The following TLL1 variants were observed in gnomAD, a reference collection of about 807,000 sequenced individuals.
TLL1 encodes the protein tolloid like 1.
A neutral mutation model predicts 128.2 loss-of-function variants in TLL1; 49 were observed. That is an observed-to-expected ratio of 0.38 (90% CI 0.30 to 0.48). The LOEUF (loss-of-function observed/expected upper bound fraction) is 0.48, where lower values mean the gene tolerates loss of function less well. TLL1 is among the 20% of genes least tolerant of loss of function. TLL1 has a pLI of 0.96. For missense variants in TLL1, 1,123 were observed against 1,242.0 expected (o/e 0.90, Z 1.44); for synonymous variants, 454 against 418.8 (o/e 1.08, Z -1.03).
chr4:165,905,966 T>A (rs1376376945), intron 1 of TLL1, among the ~76,000 whole-genome samples: 1 of 152,062 alleles, frequency 6.6e-6, no homozygotes, highest in Non-Finnish European at 1.5e-5. Flanking sequence ...CTTTTGAGAG[T>A]CATAATGGCA....
intron 1 of TLL1, chr4:165,919,891 G>A: frequency 2.2e-6 from 1 of 453,872 alleles, no homozygotes; most frequent in Non-Finnish European, 4.4e-6. Context: ...AGCCCTTGAA[G>A]TTCAAGAAGA....
chr4:166,023,074 G>A (rs1738315855), intron 8 of TLL1, among the ~76,000 whole-genome samples: 1 of 152,164 alleles, frequency 6.6e-6, no homozygotes, highest in South Asian at 2.1e-4. Flanking sequence ...ATGCGATGAT[G>A]TAATTAATAA....
chr4:165,955,253 G>T (rs1403601757), intron 1 of TLL1, among the ~76,000 whole-genome samples: 1 of 151,848 alleles, frequency 6.6e-6, no homozygotes, highest in Non-Finnish European at 1.5e-5. Flanking sequence ...AAAGAAAAAA[G>T]AAATTATAAA....
At chr4:166,069,200 T>G (rs1306511841) in intron 16 of TLL1, among the ~76,000 whole-genome samples, 3 of 151,740 alleles carry the variant, frequency 2.0e-5, no homozygotes, top group African/African-American at 7.2e-5. Flanking sequence ...TCCCAAAAAT[T>G]TTATTACAGG....
At chr4:166,096,918 G>GT (rs1742049533) in intron 19 of TLL1, among the ~76,000 whole-genome samples, 1 of 151,936 alleles carries the variant, frequency 6.6e-6, no homozygotes, top group African/African-American at 2.4e-5. Flanking sequence ...AATTTTCCTG[G>GT]TTTTTCATTT....
chr4:165,974,416 AGGC>A lies in TLL1; in HGVS notation c.170-14963_170-14961del, dbSNP rs1311940612. Among the ~76,000 whole-genome samples, 4 of 151,792 alleles carry A rather than the reference AGGC, an allele frequency of 2.6e-5. 1 individual carries two copies. The highest frequency in any genetic ancestry group is 9.7e-5 in the African/African-American group (4 of 41,182). ...CGGCCTCCCAAAGTGCTGGGATTAC[AGGC>A]GTGAGCCACCGCGCCTGGCCTCATC... On this transcript the variant is annotated intron_variant, in intron 1 of 20. Coordinates refer to ENST00000061240, the MANE Select transcript of TLL1 (RefSeq NM_012464.5).
At chr4:166,084,342 C>T (rs1741409952) in intron 18 of TLL1, among the ~76,000 whole-genome samples, 1 of 151,964 alleles carries the variant, frequency 6.6e-6, no homozygotes, top group Non-Finnish European at 1.5e-5. Flanking sequence ...GTTGTCTTTC[C>T]ACTCTGTTGA....
intron 16 of TLL1, among the ~76,000 whole-genome samples, chr4:166,068,714 T>C (rs1740684400): frequency 6.6e-6 from 1 of 151,850 alleles, no homozygotes; most frequent in Non-Finnish European, 1.5e-5. Context: ...AATTTCAAAA[T>C]AATATGATAG....
intron 1 of TLL1, among the ~76,000 whole-genome samples, chr4:165,923,866 CTG>C (rs1174447748): frequency 7.2e-5 from 11 of 152,276 alleles, no homozygotes; most frequent in Admixed American, 2.6e-4. Flanking sequence ...CTTCATGTCT[CTG>C]TGTCACATTT....
chr4:165,927,255 G>A (rs375942321), intron 1 of TLL1, among the ~76,000 whole-genome samples: 5 of 152,184 alleles, frequency 3.3e-5, no homozygotes, highest in Non-Finnish European at 7.3e-5. Flanking sequence ...TTTTATTTCC[G>A]TAGGCGATGT....
intron 1 of TLL1, among the ~76,000 whole-genome samples, chr4:165,943,294 T>C (rs1460153210): frequency 6.6e-6 from 1 of 152,052 alleles, no homozygotes; most frequent in Non-Finnish European, 1.5e-5. Context: ...TTAAGAGTCA[T>C]CTCCACGATA....
chr4:165,992,815 G>C lies in TLL1; in HGVS notation c.292G>C (p.Asp98His). The change falls in exon 3 of 21, where the codon GAC becomes CAC. Residue 98 changes from aspartate to histidine, a missense_variant. Asp to His is a moderately conservative substitution (Grantham distance 81). Around this residue, in one of 3 missense-constraint regions of TLL1, gnomAD observed 480 missense variants for 542.4 expected, o/e 0.89. Coordinates refer to ENST00000061240, the MANE Select transcript of TLL1 (RefSeq NM_012464.5). ...NLGHTTGGLGDHAMSKKRGAL... is the reference protein window; with the variant it reads ...NLGHTTGGLGHHAMSKKRGAL... ...TTTTATTCTTTAAGGTGGACTTGGA[G>C]ACCATGCTATGTCAAAGAAGCGAGG... 3 of 1,613,192 alleles carry C rather than the reference G, an allele frequency of 1.9e-6. No homozygotes were observed. Among genetic ancestry groups the C allele is most frequent in the Non-Finnish European group, 2.5e-6 (3 of 1,179,326 alleles).
intron 1 of TLL1, among the ~76,000 whole-genome samples, chr4:165,901,321 G>C (rs753636182): frequency 2.6e-5 from 4 of 152,072 alleles, no homozygotes; most frequent in Admixed American, 2.6e-4. Context: ...GAGAAGAGAC[G>C]TTCTTGTTTT....
Position 165,914,862 on chromosome 4 carries a change from A to T in TLL1, c.169+40789A>T, listed in dbSNP as rs1278124578. ...TGCTGTATCTGGCTAGTTTGTCTTTATACGAAAATGTTTAAAAATATAATC... is the reference window on the plus strand; with the variant it reads ...TGCTGTATCTGGCTAGTTTGTCTTTTTACGAAAATGTTTAAAAATATAATC... On this transcript the variant is annotated intron_variant, in intron 1 of 20. Coordinates refer to ENST00000061240, the MANE Select transcript of TLL1 (RefSeq NM_012464.5). 2.0e-5 allele frequency among the ~76,000 whole-genome samples: 3 copies of T among 152,352 alleles called. No individual in the cohort carries two copies. In the East Asian group the frequency reaches 5.8e-4, roughly 29 times the overall value.
At chr4:165,959,902 AT>A (rs1486044547) in intron 1 of TLL1, among the ~76,000 whole-genome samples, 1 of 152,154 alleles carries the variant, frequency 6.6e-6, no homozygotes, top group Non-Finnish European at 1.5e-5. Context: ...AATATCTCAA[AT>A]TAATGATCAA....
intron 1 of TLL1, among the ~76,000 whole-genome samples, chr4:165,889,207 T>C (rs568698741): frequency 1.3e-5 from 2 of 152,218 alleles, no homozygotes; most frequent in Admixed American, 1.3e-4. Flanking sequence ...AGAACTTAGA[T>C]GTTATGATGA....
intron 1 of TLL1, among the ~76,000 whole-genome samples, chr4:165,980,947 T>C (rs1379733652): frequency 1.3e-5 from 2 of 152,092 alleles, no homozygotes; most frequent in Non-Finnish European, 2.9e-5. Flanking sequence ...TTGGAGGGCT[T>C]CATTTTAGAC....
At position 166,074,005 on chromosome 4, in the gene TLL1, C is replaced by T. The variant is rs564891440; in HGVS notation, c.2189-873C>T. Among the ~76,000 whole-genome samples the T allele has an allele frequency of 4.6e-5, 7 of 152,110 alleles. No individual in the cohort carries two copies. In the South Asian group the frequency reaches 1.2e-3, roughly 27 times the overall value. On this transcript the variant is annotated intron_variant, in intron 16 of 20. Transcript: ENST00000061240. ...GTCAGGAGCAATCTGCCAGTTTTGA[C>T]GTTAATGGACAGGCCAGCTATGGAA...
chr4:166,082,079 A>C (rs1230992413), intron 18 of TLL1, among the ~76,000 whole-genome samples: 1 of 152,186 alleles, frequency 6.6e-6, no homozygotes, highest in African/African-American at 2.4e-5. Flanking sequence ...GCTTTCACAC[A>C]GTATTAAACT....
Sources: allele counts gnomAD v4.1 joint callset (sites outside exome capture counted in the v4.1 genomes callset), GRCh38; gene constraint gnomAD v4.1.1; regional missense constraint gnomAD v4.1.1; transcripts MANE v1.5; gene names NCBI Gene and HGNC (gene_info 2026-07-23, HGNC 2026-07-21).